Variants in TMEM8B observed in about 807,000 individuals in gnomAD.
The protein encoded by TMEM8B is transmembrane protein 8B.
A neutral mutation model predicts 49.3 loss-of-function variants in TMEM8B; 29 were observed. The ratio of observed to expected loss-of-function variants is 0.59; its 90% CI spans 0.44 to 0.80. The LOEUF (loss-of-function observed/expected upper bound fraction) is 0.80, where lower values mean the gene tolerates loss of function less well. Ranked by LOEUF, TMEM8B falls within the 30% of genes least tolerant of loss-of-function variation. The pLI, the probability that TMEM8B is intolerant of heterozygous loss-of-function variation, is 0.00. For missense variants in TMEM8B, 575 were observed against 658.5 expected (o/e 0.87, Z 1.39); for synonymous variants, 264 against 272.8 (o/e 0.97, Z 0.32).
At position 35,853,021 on chromosome 9, in the gene TMEM8B, G is replaced by A; in HGVS notation, c.2322+48G>A. The A allele has an allele frequency of 6.2e-7, 1 of 1,613,350 alleles. No individual in the cohort carries two copies. The highest frequency in any genetic ancestry group is 8.5e-7 in the Non-Finnish European group (1 of 1,179,422). On this transcript the variant is annotated intron_variant, in intron 11 of 12. Transcript: ENST00000643932. The surrounding 1 kb of genome is among the most constrained non-coding windows in gnomAD (Gnocchi z 4.2). Reference sequence around the variant, plus strand: ...GGAACAACCATGGCCAAGTCTCCTTGAAATCCACTCCTGACCTCTCCCTGG... The same window carrying A: ...GGAACAACCATGGCCAAGTCTCCTTAAAATCCACTCCTGACCTCTCCCTGG...
chr9:35,830,566 G>GA (rs1829771891), intron 1 of TMEM8B, among the ~76,000 whole-genome samples: 1 of 152,216 alleles, frequency 6.6e-6, no homozygotes, highest in African/African-American at 2.4e-5. Context: ...CTCAGGGAGG[G>GA]AGCAATTTGT....
chr9:35,834,085 GT>G (rs1444813517), intron 1 of TMEM8B, among the ~76,000 whole-genome samples: 2 of 142,174 alleles, frequency 1.4e-5, no homozygotes, highest in South Asian at 2.3e-4. Context: ...CCACACATCT[GT>G]TTTTTTTAGG....
intron 10 of TMEM8B, among the ~76,000 whole-genome samples, chr9:35,849,221 G>A (rs1239654070): frequency 6.6e-6 from 1 of 152,148 alleles, no homozygotes; most frequent in African/African-American, 2.4e-5. Flanking sequence ...GGAGATAACA[G>A]TCCTCTTCCT....
chr9:35,846,577 C>G lies in TMEM8B; in HGVS notation c.1962C>G (p.His654Gln), dbSNP rs1053641289. 1 of 1,572,796 alleles carries G rather than the reference C, an allele frequency of 6.4e-7. No individual in the cohort carries two copies. The highest frequency in any genetic ancestry group is 8.6e-7 in the Non-Finnish European group (1 of 1,159,022). Residue 654 changes from histidine to glutamine, a missense_variant, in exon 9 of 13, where the codon CAC (histidine) becomes CAG (glutamine). Physicochemically the swap from His to Gln is conservative, Grantham distance 24. Coordinates refer to ENST00000643932, the MANE Select transcript of TMEM8B (RefSeq NM_001042590.4). Reference sequence around the variant, plus strand: ...GCCAGTGCAAGCTGCTGCGCACACACAATTATCTGTACGCAGCCTGCGAGT... The same window carrying G: ...GCCAGTGCAAGCTGCTGCGCACACAGAATTATCTGTACGCAGCCTGCGAGT... The part of the protein sequence containing the change: ...PYGQCKLLRT[H>Q]NYLYAACECK...
chr9:35,860,413 A>G lies in TMEM8B; in HGVS notation c.*6573A>G, dbSNP rs933629008. 1 of 152,240 alleles carries G rather than the reference A, an allele frequency of 6.6e-6. No homozygotes were observed. Among genetic ancestry groups the G allele is most frequent in the Non-Finnish European group, 1.5e-5 (1 of 68,046 alleles). The allele number at this position is 152,240 out of a possible 1,614,324, so 9.4% of individuals were successfully genotyped here. A position where few individuals can be genotyped will look rare whatever the true frequency, so the allele number is the denominator to read the frequency against. ...TCCACTAAGTATTTATTAAGTACCT[A>G]TTCTGTGCTAGGTATCAGGTGCTGG... is the stretch of plus-strand genomic sequence containing the variant. On this transcript the variant is annotated 3_prime_UTR_variant, in exon 13 of 13. Transcript: ENST00000643932.
chr9:35,839,592 G>A (rs146625890), intron 3 of TMEM8B, among the ~76,000 whole-genome samples: 336 of 152,298 alleles, frequency 2.2e-3, no homozygotes, highest in Middle Eastern at 0.014. Context: ...TGAATCAAAC[G>A]CAAGTAAAAC....
chr9:35,843,564 T>G (rs1192616238), intron 6 of TMEM8B, among the ~76,000 whole-genome samples: 2 of 152,184 alleles, frequency 1.3e-5, no homozygotes, highest in Non-Finnish European at 2.9e-5. Flanking sequence ...TGCCTGAGAT[T>G]GAGTTGCCTT....
rs1490698406 is a variant in TMEM8B, at chr9:35,864,427, T to A, written c.*10587T>A. ...AAATGCCTGGATCTGGGATTCCTGC[T>A]TCCTGGCTGTGTGGCAGAGAAGATG... On this transcript the variant is annotated 3_prime_UTR_variant, in exon 13 of 13. Transcript: ENST00000643932. 6.6e-6 allele frequency: 1 copy of A among 152,236 alleles called. No homozygotes were observed. Among genetic ancestry groups the A allele is most frequent in the Non-Finnish European group, 1.5e-5 (1 of 68,038 alleles). The allele number at this position is 152,236 out of a possible 1,614,324, so 9.4% of individuals were successfully genotyped here.
intron 1 of TMEM8B, among the ~76,000 whole-genome samples, chr9:35,832,167 G>GT (rs2132209144): frequency 8.9e-6 from 1 of 112,236 alleles, no homozygotes; most frequent in East Asian, 3.6e-4. Context: ...GTAGGTGTAG[G>GT]GGTGTGTGTG....
intron 1 of TMEM8B, among the ~76,000 whole-genome samples, chr9:35,832,809 G>A (rs916377161): frequency 2.6e-5 from 4 of 152,096 alleles, no homozygotes; most frequent in Admixed American, 2.0e-4. Context: ...TCACCTCTTA[G>A]CCTTCTGCCT....
At chr9:35,852,679 A>C (rs761638385) in intron 10 of TMEM8B, 148 bp from the exon 11 acceptor site, 23 of 873,874 alleles carry the variant, frequency 2.6e-5, no homozygotes, top group Non-Finnish European at 4.2e-5. Context: ...GGATTTGGGG[A>C]GTCAGGCATT....
chr9:35,844,928 C>G (rs1588156639), intron 6 of TMEM8B, among the ~76,000 whole-genome samples: 2 of 152,148 alleles, frequency 1.3e-5, no homozygotes, highest in East Asian at 3.9e-4. Flanking sequence ...TTTTTTCTCC[C>G]CTTGGATCAA....
rs901161134 is a variant in TMEM8B at position 35,841,179 on chromosome 9, G to A, written c.952G>A (p.Val318Ile). The part of the protein sequence containing the change: ...CQYLLQPQLI[V>I]RRLLDVAVLV... ...GTACCTCCTTCAGCCGCAGCTGATT[G>A]TCCGGCGTTTGCTGGACGTCGCTGT... Residue 318 changes from valine (V) to isoleucine (I), a missense_variant, in exon 4 of 13, where the codon GTC becomes ATC. Val to Ile is a conservative substitution (Grantham distance 29). Coordinates refer to ENST00000643932, the MANE Select transcript of TMEM8B (RefSeq NM_001042590.4). This position sits in a 1 kb window ranked among gnomAD's most constrained non-coding sequence, Gnocchi z 5.9. 9.6e-6 allele frequency: 4 copies of A among 416,068 alleles called. No homozygotes were observed. The highest frequency in any genetic ancestry group is 1.8e-5 in the Non-Finnish European group (4 of 226,674). The allele number at this position is 416,068 out of a possible 1,614,324, so 25.8% of individuals were successfully genotyped here. A position where few individuals can be genotyped will look rare whatever the true frequency, so the allele number is the denominator to read the frequency against.
Position 35,859,143 on chromosome 9 carries a change from G to C in TMEM8B, c.*5303G>C, listed in dbSNP as rs1228403829. 1 of 155,842 alleles carries C rather than the reference G, an allele frequency of 6.4e-6. No homozygotes were observed. Among genetic ancestry groups the C allele is most frequent in the South Asian group, 2.0e-4 (1 of 4,984 alleles). 9.7% of individuals were successfully genotyped at this position (155,842 alleles called of 1,614,324 possible). On this transcript the variant is annotated 3_prime_UTR_variant, in exon 13 of 13. Transcript: ENST00000643932. ...CAGGCTGTAAATGATGGGGTTCAGC[G>C]AGGGCGTCACAACCCCGTAGAACAA...
intron 3 of TMEM8B, among the ~76,000 whole-genome samples, chr9:35,836,424 A>G (rs1477425880): frequency 6.6e-6 from 1 of 152,222 alleles, no homozygotes; most frequent in Non-Finnish European, 1.5e-5. Context: ...GATGTTCTTT[A>G]TCCCAACTCT....
rs1165398816 is a variant in TMEM8B at position 35,855,699 on chromosome 9, T to A, written c.*1859T>A. On this transcript the variant is annotated 3_prime_UTR_variant, in exon 13 of 13. Transcript: ENST00000643932. The stretch of plus-strand genomic sequence containing the variant: ...GTGAGCCACCGCGCCTGGCCTCTCC[T>A]GAATCTTTTATCTATGCCTTAAGCC... The A allele has an allele frequency of 6.6e-6, 1 of 152,242 alleles. No individual in the cohort carries two copies. Among genetic ancestry groups the A allele is most frequent in the Non-Finnish European group, 1.5e-5 (1 of 68,056 alleles). 9.4% of individuals were successfully genotyped at this position (152,242 alleles called of 1,614,324 possible). A position where few individuals can be genotyped will look rare whatever the true frequency, so the allele number is the denominator to read the frequency against.
chr9:35,845,915 GGTGGCGGTGGGTGGAGATGGAGGAT>G, intron 6 of TMEM8B, 35 bp from the exon 7 acceptor site: 4 of 1,608,936 alleles, frequency 2.5e-6, no homozygotes, highest in Admixed American at 1.7e-5. Flanking sequence ...GGAGTCTGAG[GGTGGCGGTGGGTGGAGATGGAGGAT>G]GTGGCGGCCT....
chr9:35,845,924 G>T, intron 6 of TMEM8B, 51 bp from the exon 7 acceptor site: 1 of 1,609,780 alleles, frequency 6.2e-7, no homozygotes. Flanking sequence ...GGGTGGCGGT[G>T]GGTGGAGATG....
chr9:35,834,902 A>G, intron 2 of TMEM8B, 109 bp from the exon 3 acceptor site: 1 of 414,638 alleles, frequency 2.4e-6, no homozygotes, highest in Non-Finnish European at 4.4e-6. Flanking sequence ...AGTATAGGGA[A>G]TCTATTTGTT....
Sources: gnomAD v4.1 joint callset for allele counts (sites outside exome capture counted in the v4.1 genomes callset) on GRCh38, gnomAD v4.1.1 for gene constraint, Gnocchi (gnomAD v3.1) non-coding constraint, MANE v1.5 for transcripts, NCBI Gene and HGNC (gene_info 2026-07-23, HGNC 2026-07-21) for gene names.